Variants in PPP1R16A observed in about 807,000 individuals in gnomAD.
The protein encoded by PPP1R16A is myosin phosphatase-targeting subunit 3.
PPP1R16A carries 39 observed loss-of-function variants against 46.6 expected under a neutral mutation model. That is an observed-to-expected ratio of 0.84 (90% CI 0.65 to 1.09). PPP1R16A has a LOEUF of 1.09. Ranked by LOEUF, PPP1R16A falls within the 50% of genes least tolerant of loss-of-function variation. The probability of loss-of-function intolerance (pLI) is 0.00; values close to 1 mark genes in which losing one functional copy is unlikely to be tolerated. For missense variants in PPP1R16A, 798 were observed against 735.6 expected (o/e 1.08, Z -0.98); for synonymous variants, 413 against 321.5 (o/e 1.28, Z -3.04).
intron 11 of PPP1R16A, 44 bp downstream of exon 11, chr8:144,501,338 G>C (rs1335035455): frequency 1.3e-6 from 2 of 1,533,146 alleles, no homozygotes; most frequent in Non-Finnish European, 8.7e-7. Context: ...GGGTGGGCCT[G>C]GCTCTGCCCT....
intron 5 of PPP1R16A, 157 bp downstream of exon 5, chr8:144,499,218 G>A (rs911093708): frequency 2.1e-6 from 2 of 962,230 alleles, no homozygotes; most frequent in Non-Finnish European, 1.5e-6. Flanking sequence ...AGCAGGGCCT[G>A]GGGCTCCAGG....
intron 1 of PPP1R16A, among the ~76,000 whole-genome samples, chr8:144,488,916 C>T (rs1351896301): frequency 6.6e-6 from 1 of 151,602 alleles, no homozygotes; most frequent in African/African-American, 2.4e-5. Context: ...TCAGAAGCCC[C>T]CTCCTGGCCT....
chr8:144,500,308 G>C lies in PPP1R16A; in HGVS notation c.622G>C (p.Glu208Gln). The change falls in exon 7 of 12, where the codon GAA (glutamate) becomes CAA (glutamine). Residue 208 changes from glutamate to glutamine, a missense_variant. Transcript: ENST00000435887. The part of the protein sequence containing the change: ...DSIEAARAVP[E>Q]LRMLDDIRSR... ...CATCGAGGCCGCCCGGGCCGTGCCAGAACTGCGCATGCTGGACGACATCCG... is the reference window on the plus strand; with the variant it reads ...CATCGAGGCCGCCCGGGCCGTGCCACAACTGCGCATGCTGGACGACATCCG... 1.9e-6 allele frequency: 3 copies of C among 1,542,938 alleles called. No individual in the cohort carries two copies. The highest frequency in any genetic ancestry group is 2.6e-6 in the Non-Finnish European group (3 of 1,147,042).
intron 3 of PPP1R16A, 104 bp from the exon 4 acceptor site, chr8:144,498,666 G>A: frequency 8.5e-7 from 1 of 1,172,686 alleles, no homozygotes; most frequent in Non-Finnish European, 1.2e-6. Context: ...CCTGCCATCG[G>A]CACCACTGTC....
Position 144,502,029 on chromosome 8 carries a change from CCT to C in PPP1R16A, c.*130_*131del. The C allele has an allele frequency of 2.1e-6, 2 of 947,812 alleles. No homozygotes were observed. The highest frequency in any genetic ancestry group is 3.4e-4 in the Middle Eastern group (1 of 2,950). 58.7% of individuals were successfully genotyped at this position (947,812 alleles called of 1,614,324 possible). A position where few individuals can be genotyped will look rare whatever the true frequency, so the allele number is the denominator to read the frequency against. ...GCTTCTACTGTACAGGACACTGGCC[CCT>C]CTCAGGTCAGAAGACATGCCTGGAG... On this transcript the variant is annotated 3_prime_UTR_variant, in exon 12 of 12. Transcript: ENST00000435887.
chr8:144,481,831 G>A (rs1052481520), intron 1 of PPP1R16A, among the ~76,000 whole-genome samples: 1 of 152,054 alleles, frequency 6.6e-6, no homozygotes, highest in African/African-American at 2.4e-5. Context: ...AGGCGGGAGT[G>A]CAGTGGCACG....
chr8:144,494,478 A>C (rs937283554), intron 2 of PPP1R16A, among the ~76,000 whole-genome samples: 79 of 151,792 alleles, frequency 5.2e-4, no homozygotes, highest in African/African-American at 1.9e-3. Flanking sequence ...AGCTAATTTT[A>C]AAATTATTCT....
chr8:144,478,029 G>GCGCGGGGCCCGCCCCCGCAGCGCC lies in PPP1R16A; in HGVS notation c.-1012_-1011insCGCGGGGCCCGCCCCCGCAGCGCC, dbSNP rs1825244676. On this transcript the variant is annotated 5_prime_UTR_variant, in exon 1 of 12. Transcript: ENST00000435887. ...GTAGCGTTGCCATGGCGAGGGCCGG[G>GCGCGGGGCCCGCCCCCGCAGCGCC]TGCGGGGCCCGCCCCCGCAGCGCCT... The GCGCGGGGCCCGCCCCCGCAGCGCC allele has an allele frequency of 2.5e-6, 1 of 394,102 alleles. No individual in the cohort carries two copies. The highest frequency in any genetic ancestry group is 4.5e-6 in the Non-Finnish European group (1 of 223,154). 24.4% of individuals were successfully genotyped at this position (394,102 alleles called of 1,614,324 possible). A position where few individuals can be genotyped will look rare whatever the true frequency, so the allele number is the denominator to read the frequency against.
chr8:144,499,548 G>T (rs892441656), intron 5 of PPP1R16A: 29 of 190,850 alleles, frequency 1.5e-4, no homozygotes, highest in African/African-American at 6.6e-4. Context: ...GGTCAGGGCT[G>T]CGGTCATTCT....
chr8:144,481,746 T>C (rs975104578), intron 1 of PPP1R16A, among the ~76,000 whole-genome samples: 2 of 152,254 alleles, frequency 1.3e-5, no homozygotes, highest in Non-Finnish European at 2.9e-5. Flanking sequence ...TCAAGTGGTT[T>C]TGTGTATCCG....
chr8:144,500,555 G>C lies in PPP1R16A; in HGVS notation c.774G>C (p.Leu258=), dbSNP rs751253095. The change falls in exon 8 of 12, where the codon CTG becomes CTC. Residue 258 remains leucine, a synonymous_variant. Transcript: ENST00000435887. The part of the protein sequence containing the change: ...AALLLEHRAS[L]SAKDQDGWEP... ...TGCTGCTGGAACACCGAGCCAGCCT[G>C]AGCGCTAAGGACCAAGACGGCTGGG... 1.7e-5 allele frequency: 27 copies of C among 1,597,496 alleles called. No individual in the cohort carries two copies. In the East Asian group the frequency reaches 6.0e-4, roughly 36 times the overall value.
At chr8:144,487,724 A>G (rs117916977) in intron 1 of PPP1R16A, among the ~76,000 whole-genome samples, 3,275 of 152,340 alleles carry the variant, frequency 0.021, 43 homozygotes, top group Middle Eastern at 0.044. Context: ...CTAAGCCAGT[A>G]ACTTAGGTCT....
chr8:144,499,248 G>T, intron 5 of PPP1R16A, 187 bp downstream of exon 5: 1 of 774,126 alleles, frequency 1.3e-6, no homozygotes. Context: ...ATGTGCCCAG[G>T]GCAGCGCGGT....
intron 5 of PPP1R16A, chr8:144,499,862 G>A (rs1489540085): frequency 9.3e-6 from 5 of 537,458 alleles, no homozygotes; most frequent in Non-Finnish European, 1.7e-5. Flanking sequence ...CCCTGGAGGT[G>A]CCAGGAACCT....
intron 3 of PPP1R16A, chr8:144,497,703 C>T (rs962177576): frequency 3.0e-5 from 19 of 635,962 alleles, no homozygotes; most frequent in Non-Finnish European, 4.9e-5. Context: ...ATGCAGAGGG[C>T]TCCTGCTGTG....
Position 144,501,559 on chromosome 8 carries a change from G to T in PPP1R16A, c.1243G>T (p.Val415Leu). ...AGTGGTCAGGCCGCACAATGGCCGA[G>T]TAGGGGGCTCCCCAGTGCGGCATCT... is the stretch of plus-strand genomic sequence containing the variant. ...PEVVRPHNGR[V>L]GGSPVRHLYS... The change falls in exon 12 of 12, where the codon GTA becomes TTA. Residue 415 changes from valine (V) to leucine (L), a missense_variant. Physicochemically the swap from Val to Leu is conservative, Grantham distance 32 (BLOSUM62 1). Coordinates refer to ENST00000435887, the MANE Select transcript of PPP1R16A (RefSeq NM_001329443.2). The T allele has an allele frequency of 6.3e-7, 1 of 1,589,580 alleles. No individual in the cohort carries two copies. The highest frequency in any genetic ancestry group is 8.6e-7 in the Non-Finnish European group (1 of 1,168,678).
chr8:144,501,108 C>T (rs2130562522), intron 10 of PPP1R16A, 21 bp from the exon 11 acceptor site: 3 of 1,608,698 alleles, frequency 1.9e-6, no homozygotes, highest in East Asian at 2.2e-5. Context: ...CCCCTCACTC[C>T]CTCTCCTCTC....
rs368470587 is a variant in PPP1R16A at position 144,501,142 on chromosome 8, C to T, written c.1051C>T (p.Arg351Trp). The change falls in exon 11 of 12, where the codon CGG becomes TGG. Residue 351 changes from arginine to tryptophan, a missense_variant. By Grantham distance (101) the Arg-to-Trp change is moderately radical. Coordinates refer to ENST00000435887, the MANE Select transcript of PPP1R16A (RefSeq NM_001329443.2). ...SAGSRGKVVRRVSLTQRTDLY... is the reference protein window; with the variant it reads ...SAGSRGKVVRWVSLTQRTDLY... ...TCTCCTCCCCAGGAAGGTGGTGAGG[C>T]GGGTGAGCCTAACCCAGCGCACCGA... is the stretch of plus-strand genomic sequence containing the variant. 171 of 1,610,872 alleles carry T rather than the reference C, an allele frequency of 1.1e-4. No individual in the cohort carries two copies. Among genetic ancestry groups the T allele is most frequent in the Non-Finnish European group, 1.4e-4 (169 of 1,179,664 alleles).
chr8:144,501,941 C>A lies in PPP1R16A; in HGVS notation c.*38C>A. On this transcript the variant is annotated 3_prime_UTR_variant, in exon 12 of 12. Coordinates refer to ENST00000435887, the MANE Select transcript of PPP1R16A (RefSeq NM_001329443.2). ...GCATGCAGGGGCCCTGTCGCGGGCA[C>A]AGCCCAAGGCTGCCTCCCCACGGTG... The A allele has an allele frequency of 6.8e-7, 1 of 1,468,208 alleles. No individual in the cohort carries two copies. 90.9% of individuals were successfully genotyped at this position (1,468,208 alleles called of 1,614,324 possible).
Sources: allele counts gnomAD v4.1 joint callset (sites outside exome capture counted in the v4.1 genomes callset), GRCh38; gene constraint gnomAD v4.1.1; transcripts MANE v1.5; gene names NCBI Gene and HGNC (gene_info 2026-07-23, HGNC 2026-07-21).